The following TAFA2 variants were observed in gnomAD, a reference collection of about 807,000 sequenced individuals.
The protein encoded by TAFA2 is TAFA chemokine like family member 2.
TAFA2 carries 7 observed loss-of-function variants against 18.8 expected under a neutral mutation model. The ratio of observed to expected loss-of-function variants is 0.37; its 90% CI spans 0.21 to 0.70. TAFA2 has a LOEUF of 0.70. TAFA2 is among the 30% of genes least tolerant of loss of function. The pLI, the probability that TAFA2 is intolerant of heterozygous loss-of-function variation, is 0.53. For synonymous variants in TAFA2, 60 were observed against 54.2 expected (o/e 1.11, Z -0.47); for missense variants, 122 against 158.1 (o/e 0.77, Z 1.23).
intron 4 of TAFA2, among the ~76,000 whole-genome samples, chr12:61,745,677 A>C (rs763583343): frequency 2.0e-5 from 3 of 152,062 alleles, no homozygotes; most frequent in Non-Finnish European, 4.4e-5. Flanking sequence ...TATACTCCCG[A>C]GATTTTCATC....
chr12:62,092,594 T>C (rs1214021015), intron 1 of TAFA2, among the ~76,000 whole-genome samples: 1 of 152,022 alleles, frequency 6.6e-6, no homozygotes, highest in Non-Finnish European at 1.5e-5. Context: ...TACTCCTTCT[T>C]AGCCTCCTTT....
At chr12:61,973,394 G>GT (rs1879317442) in intron 1 of TAFA2, among the ~76,000 whole-genome samples, 1 of 88,696 alleles carries the variant, frequency 1.1e-5, no homozygotes, top group African/African-American at 5.3e-5. Context: ...ATATTATTTA[G>GT]ATTTTTTTTT....
At chr12:61,715,561 C>A (rs763379138) in intron 4 of TAFA2, among the ~76,000 whole-genome samples, 5 of 151,698 alleles carry the variant, frequency 3.3e-5, no homozygotes, top group Non-Finnish European at 7.4e-5. Context: ...ACCATGTTAG[C>A]CAGGATGGTC....
In TAFA2 at chr12:62,215,563, C is replaced by CAA. The variant is rs35638033; in HGVS notation, c.-130+43198_-130+43199dup. Among the ~76,000 whole-genome samples the CAA allele has an allele frequency of 9.0e-3, 707 of 78,988 alleles. 8 individuals carry two copies. The highest frequency in any genetic ancestry group is 0.013 in the Admixed American group (105 of 7,858). The allele number at this position is 78,988 out of a possible 152,430, so 51.8% of individuals were successfully genotyped here. ...TGGAAAAAAGAAAGAACTTGTCTTT[C>CAA]AAAAAAAAAAAAAAAAGGGGCGGAA... On this transcript the variant is annotated intron_variant, in intron 1 of 5. Coordinates refer to the TAFA2 transcript ENST00000551619.
intron 1 of TAFA2, among the ~76,000 whole-genome samples, chr12:61,885,514 T>C (rs1211475978): frequency 6.6e-6 from 1 of 152,154 alleles, no homozygotes; most frequent in Non-Finnish European, 1.5e-5. Flanking sequence ...TAGATGATAA[T>C]ACAATTAAGT....
At chr12:61,902,857 T>A (rs1876168771) in intron 1 of TAFA2, among the ~76,000 whole-genome samples, 1 of 152,018 alleles carries the variant, frequency 6.6e-6, no homozygotes, top group African/African-American at 2.4e-5. Context: ...CTGTCTACGA[T>A]CCCTCTCCCA....
At chr12:62,035,455 T>C (rs2136751684) in intron 1 of TAFA2, among the ~76,000 whole-genome samples, 1 of 152,136 alleles carries the variant, frequency 6.6e-6, no homozygotes, top group East Asian at 1.9e-4. Flanking sequence ...AGGAGTGCTA[T>C]TCACTGAGCT....
chr12:62,016,099 C>T (rs2136720978), intron 1 of TAFA2, among the ~76,000 whole-genome samples: 2 of 152,334 alleles, frequency 1.3e-5, no homozygotes, highest in South Asian at 2.1e-4. Flanking sequence ...CTGTGTCACA[C>T]ATGGCAGTTA....
chr12:62,045,213 T>C (rs1881878629), intron 1 of TAFA2, among the ~76,000 whole-genome samples: 2 of 152,188 alleles, frequency 1.3e-5, no homozygotes, highest in African/African-American at 4.8e-5. Context: ...ATTGATTTCA[T>C]TCATGCTCCA....
chr12:62,021,323 T>C (rs1295851147), intron 1 of TAFA2, among the ~76,000 whole-genome samples: 1 of 152,114 alleles, frequency 6.6e-6, no homozygotes, highest in Non-Finnish European at 1.5e-5. Flanking sequence ...ACAGATCGTG[T>C]TTGGTTACAT....
At chr12:61,987,713 C>A (rs1216573093) in intron 1 of TAFA2, among the ~76,000 whole-genome samples, 1 of 152,134 alleles carries the variant, frequency 6.6e-6, no homozygotes, top group Non-Finnish European at 1.5e-5. Flanking sequence ...TCACCTAAAG[C>A]AAATTGGCAG....
intron 1 of TAFA2, among the ~76,000 whole-genome samples, chr12:62,036,095 C>T (rs1228902460): frequency 6.6e-6 from 1 of 152,034 alleles, no homozygotes; most frequent in Non-Finnish European, 1.5e-5. Context: ...TAAGCAGCAT[C>T]CTTGACCTCC....
chr12:61,872,862 TTCTC>T (rs36106779), intron 1 of TAFA2, among the ~76,000 whole-genome samples: 17 of 150,452 alleles, frequency 1.1e-4, no homozygotes, highest in African/African-American at 2.2e-4. Flanking sequence ...ACCCTGCAGT[TTCTC>T]TCTCTCTCTC....
chr12:62,244,426 A>C (rs2062875823), intron 1 of TAFA2, among the ~76,000 whole-genome samples: 1 of 152,148 alleles, frequency 6.6e-6, no homozygotes, highest in Admixed American at 6.5e-5. Flanking sequence ...ATAATTTTTA[A>C]GATGTGACAA....
chr12:61,900,834 A>C (rs1482732766), intron 1 of TAFA2, among the ~76,000 whole-genome samples: 1 of 152,164 alleles, frequency 6.6e-6, no homozygotes, highest in Admixed American at 6.6e-5. Flanking sequence ...GCTGAAGATT[A>C]ATGTTTGTTT....
intron 1 of TAFA2, among the ~76,000 whole-genome samples, chr12:62,106,350 CAAAAAACAAAAACA>C (rs538687970): frequency 9.7e-4 from 147 of 151,446 alleles, no homozygotes; most frequent in African/African-American, 2.5e-3. Context: ...GAACAAAAAA[CAAAAAACAAAAACA>C]AAAAAACAAA....
At chr12:61,760,289 T>TGATA (rs529557486) in intron 2 of TAFA2, among the ~76,000 whole-genome samples, 1 of 148,230 alleles carries the variant, frequency 6.7e-6, no homozygotes, top group Non-Finnish European at 1.5e-5. Context: ...ATGAAATAGA[T>TGATA]GATAGATAGA....
intron 1 of TAFA2, among the ~76,000 whole-genome samples, chr12:62,129,562 T>C (rs553032311): frequency 2.6e-5 from 4 of 152,062 alleles, no homozygotes; most frequent in Non-Finnish European, 4.4e-5. Context: ...TGTAAGATGC[T>C]AAATTGTTAT....
chr12:62,076,129 A>G (rs894713960), intron 1 of TAFA2, among the ~76,000 whole-genome samples: 1 of 152,168 alleles, frequency 6.6e-6, no homozygotes, highest in Non-Finnish European at 1.5e-5. Flanking sequence ...TACTTTTCAA[A>G]AGGGAAGTGA....
Sources: allele counts gnomAD v4.1 joint callset (sites outside exome capture counted in the v4.1 genomes callset), GRCh38; gene constraint gnomAD v4.1.1; transcripts MANE v1.5; gene names NCBI Gene and HGNC (gene_info 2026-07-23, HGNC 2026-07-21).